EYA1: variants seen among roughly 807,000 people sequenced by gnomAD.
EYA1 encodes the protein protein phosphatase EYA1.
Under a neutral mutation model 82.0 loss-of-function variants are expected in EYA1, and 16 were observed. The observed-to-expected ratio is 0.20, with a 90% CI of 0.13 to 0.30. EYA1 has a LOEUF of 0.30. Among genes scored for constraint, EYA1 ranks in the 10% least tolerant of loss-of-function variants. EYA1 has a pLI of 1.00. For missense variants in EYA1, 633 were observed against 730.7 expected (o/e 0.87, Z 1.54); for synonymous variants, 261 against 264.4 (o/e 0.99, Z 0.12).
rs77440129 is a variant in EYA1 at position 71,274,949 on chromosome 8, C to T, written c.827-3052G>A. On this transcript the variant is annotated intron_variant, in intron 9 of 17. Transcript: ENST00000340726. ...ATGAGAGCGAGTGAACGAGAGCAAG[C>T]GAGTGAACAAGCGCAAGCGCGTGCG... 3.3e-3 allele frequency among the ~76,000 whole-genome samples: 500 copies of T among 151,510 alleles called. 2 individuals are homozygous for T. The highest frequency in any genetic ancestry group is 5.6e-3 in the Non-Finnish European group (382 of 67,918).
chr8:71,246,503 T>C (rs115892040), intron 11 of EYA1, among the ~76,000 whole-genome samples: 1 of 152,214 alleles, frequency 6.6e-6, no homozygotes, highest in East Asian at 1.9e-4. Flanking sequence ...ATCTCCAATA[T>C]CTAGACATGC....
At chr8:71,356,679 A>G (rs1269988785) in intron 1 of EYA1, 168 bp from the exon 2 acceptor site, 14 of 1,315,354 alleles carry the variant, frequency 1.1e-5, no homozygotes, top group Non-Finnish European at 1.3e-5. Context: ...TTGAGGTCTC[A>G]ACTGTTGTTT....
chr8:71,309,347 T>C (rs891995149), intron 7 of EYA1, among the ~76,000 whole-genome samples: 2 of 127,180 alleles, frequency 1.6e-5, no homozygotes, highest in Admixed American at 8.8e-5. Context: ...ATATTACTTA[T>C]ACAATCAATT....
intron 11 of EYA1, among the ~76,000 whole-genome samples, chr8:71,253,201 A>C (rs920443275): frequency 2.0e-5 from 3 of 152,186 alleles, no homozygotes; most frequent in Non-Finnish European, 4.4e-5. Flanking sequence ...ATAAAATATC[A>C]GCTACCATAA....
chr8:71,399,230 C>T (rs746184576), intron 2 of EYA1, among the ~76,000 whole-genome samples: 7 of 152,172 alleles, frequency 4.6e-5, no homozygotes, highest in African/African-American at 7.2e-5. Context: ...ATTCCCTGAC[C>T]CCTTGTGCTT....
chr8:71,441,280 G>A (rs983975783), intron 2 of EYA1, among the ~76,000 whole-genome samples: 1 of 152,092 alleles, frequency 6.6e-6, no homozygotes, highest in Admixed American at 6.5e-5. Context: ...CATGATGGCT[G>A]AAGCCTGTAA....
chr8:71,254,419 G>A (rs1370107351), intron 11 of EYA1, among the ~76,000 whole-genome samples: 1 of 152,066 alleles, frequency 6.6e-6, no homozygotes, highest in African/African-American at 2.4e-5. Context: ...CAGACAGTCT[G>A]GTTACTTCAA....
intron 2 of EYA1, among the ~76,000 whole-genome samples, chr8:71,508,870 C>A (rs1812390763): frequency 6.6e-6 from 1 of 152,172 alleles, no homozygotes; most frequent in South Asian, 2.1e-4. Flanking sequence ...GTTTATTCTA[C>A]TGCACTAAAT....
intron 2 of EYA1, among the ~76,000 whole-genome samples, chr8:71,488,415 T>G (rs1227555753): frequency 6.6e-6 from 1 of 152,144 alleles, no homozygotes; most frequent in African/African-American, 2.4e-5. Flanking sequence ...TGAAAAAGAA[T>G]GAACAACTGC....
At chr8:71,286,725 C>G (rs1818410375) in intron 9 of EYA1, among the ~76,000 whole-genome samples, 1 of 151,304 alleles carries the variant, frequency 6.6e-6, no homozygotes, top group Non-Finnish European at 1.5e-5. Context: ...CCACACAGAT[C>G]TATGAAGTTA....
At chr8:71,427,027 T>C (rs1284399241) in intron 2 of EYA1, among the ~76,000 whole-genome samples, 1 of 152,206 alleles carries the variant, frequency 6.6e-6, no homozygotes, top group Non-Finnish European at 1.5e-5. Context: ...TGGTAACAAC[T>C]TGTGAGATAT....
At chr8:71,419,140 G>C (rs1304476661) in intron 2 of EYA1, among the ~76,000 whole-genome samples, 1 of 152,090 alleles carries the variant, frequency 6.6e-6, no homozygotes, top group Non-Finnish European at 1.5e-5. Context: ...GGTTTGAGCA[G>C]AGGCATGGCA....
chr8:71,459,116 T>G (rs1483722124), intron 2 of EYA1, among the ~76,000 whole-genome samples: 1 of 152,186 alleles, frequency 6.6e-6, no homozygotes. Context: ...ATTACTAAGA[T>G]ACTTTACACA....
intron 12 of EYA1, among the ~76,000 whole-genome samples, chr8:71,224,596 T>C (rs1295290505): frequency 6.6e-6 from 1 of 152,246 alleles, no homozygotes; most frequent in Non-Finnish European, 1.5e-5. Flanking sequence ...AAAATGTTTA[T>C]TTATACATGG....
At chr8:71,239,919 A>G (rs983029118) in intron 12 of EYA1, among the ~76,000 whole-genome samples, 32 of 152,246 alleles carry the variant, frequency 2.1e-4, no homozygotes, top group Admixed American at 6.5e-4. Context: ...TTGGAAGCAC[A>G]AACAGTATGT....
intron 2 of EYA1, among the ~76,000 whole-genome samples, chr8:71,408,386 T>A (rs1830394265): frequency 7.1e-6 from 1 of 141,680 alleles, no homozygotes; most frequent in South Asian, 2.4e-4. Flanking sequence ...TAACTTTAAA[T>A]GTAAATGGAC....
At chr8:71,443,438 G>A (rs925217716) in intron 2 of EYA1, among the ~76,000 whole-genome samples, 28 of 152,190 alleles carry the variant, frequency 1.8e-4, no homozygotes, top group African/African-American at 6.3e-4. Context: ...GTGCCATCAC[G>A]CCTGGCTAAT....
intron 2 of EYA1, among the ~76,000 whole-genome samples, chr8:71,469,490 A>G (rs758169842): frequency 7.2e-5 from 11 of 152,128 alleles, no homozygotes; most frequent in Non-Finnish European, 1.3e-4. Context: ...ACCACCACTT[A>G]GCACATTGTA....
chr8:71,506,067 C>A (rs753707495), intron 2 of EYA1, among the ~76,000 whole-genome samples: 12 of 152,126 alleles, frequency 7.9e-5, no homozygotes, highest in Non-Finnish European at 1.6e-4. Context: ...TCTTCCCGGC[C>A]ATGTGGAACT....
Sources: allele counts gnomAD v4.1 joint callset (sites outside exome capture counted in the v4.1 genomes callset), GRCh38; gene constraint gnomAD v4.1.1; transcripts MANE v1.5; gene names NCBI Gene and HGNC (gene_info 2026-07-23, HGNC 2026-07-21).